FRMD4A: variants seen among roughly 807,000 people sequenced by gnomAD.
FRMD4A encodes the protein FERM domain-containing protein 4A.
FRMD4A carries 29 observed loss-of-function variants against 129.1 expected under a neutral mutation model. That is an observed-to-expected ratio of 0.22 (90% confidence interval 0.17 to 0.31). FRMD4A has a LOEUF of 0.31. FRMD4A is among the 10% of genes least tolerant of loss of function. The probability of loss-of-function intolerance (pLI) is 1.00; values close to 1 mark genes in which losing one functional copy is unlikely to be tolerated. For missense variants in FRMD4A, 1,272 were observed against 1,375.8 expected (o/e 0.92, Z 1.19); for synonymous variants, 634 against 571.6 (o/e 1.11, Z -1.56).
At chr10:14,312,878 T>C (rs7913013) in intron 2 of FRMD4A, among the ~76,000 whole-genome samples, 77,251 of 151,590 alleles carry the variant, frequency 0.51, 19,787 homozygotes, top group Non-Finnish European at 0.56. Flanking sequence ...AAAAAGAAAA[T>C]AAATAAAAAA....
chr10:13,818,598 C>T (rs12245077), intron 3 of FRMD4A, among the ~76,000 whole-genome samples: 2,974 of 152,312 alleles, frequency 0.02, 79 homozygotes, highest in African/African-American at 0.065. Context: ...TCTCTTGAAT[C>T]TAGTCAGTTA....
chr10:13,728,313 G>A (rs1036342480), intron 12 of FRMD4A, among the ~76,000 whole-genome samples: 1 of 152,108 alleles, frequency 6.6e-6, no homozygotes, highest in African/African-American at 2.4e-5. Context: ...ACTGGGAGAA[G>A]AGAAACCGGC....
At chr10:14,060,232 T>C (rs190407820) in intron 2 of FRMD4A, among the ~76,000 whole-genome samples, 1 of 152,302 alleles carries the variant, frequency 6.6e-6, no homozygotes, top group Admixed American at 6.5e-5. Context: ...AGGATAAAGA[T>C]AGAAATTCAC....
chr10:13,797,346 C>A (rs1056978699), intron 4 of FRMD4A, among the ~76,000 whole-genome samples: 1 of 152,206 alleles, frequency 6.6e-6, no homozygotes, highest in East Asian at 1.9e-4. Context: ...AAACGTTAAA[C>A]TTACCGCCAG....
At chr10:13,924,364 TCTC>T (rs2131266688) in intron 2 of FRMD4A, among the ~76,000 whole-genome samples, 1 of 151,480 alleles carries the variant, frequency 6.6e-6, no homozygotes, top group South Asian at 2.1e-4. Flanking sequence ...TATTTGGAAA[TCTC>T]CTTTCTACCC....
chr10:13,890,180 T>A (rs1418698896), intron 2 of FRMD4A, among the ~76,000 whole-genome samples: 1 of 152,218 alleles, frequency 6.6e-6, no homozygotes, highest in Admixed American at 6.5e-5. Context: ...CAAACATAAA[T>A]GGGGCTTAAT....
At chr10:14,239,544 T>TG (rs1843958935) in intron 2 of FRMD4A, among the ~76,000 whole-genome samples, 1 of 152,158 alleles carries the variant, frequency 6.6e-6, no homozygotes, top group African/African-American at 2.4e-5. Flanking sequence ...GGAGACTAGG[T>TG]TGAACCCGGG....
chr10:14,279,182 A>ATTTTTTTTTTTTTTTTTTTTTTTTTTT (rs1223887250), intron 2 of FRMD4A, among the ~76,000 whole-genome samples: 1 of 99,632 alleles, frequency 1.0e-5, no homozygotes, highest in African/African-American at 4.1e-5. Context: ...AGGAAGCGGG[A>ATTTTTTTTTTTTTTTTTTTTTTTTTTT]TTTTTTTTTT....
chr10:14,071,154 C>T (rs968819334), intron 2 of FRMD4A, among the ~76,000 whole-genome samples: 1 of 152,224 alleles, frequency 6.6e-6, no homozygotes, highest in African/African-American at 2.4e-5. Flanking sequence ...CTGTTCCATG[C>T]ATGAAGACTT....
In FRMD4A at chr10:14,124,398, G is replaced by A. The variant is rs184210855; in HGVS notation, c.45+205660C>T. Among the ~76,000 whole-genome samples the A allele has an allele frequency of 2.7e-3, 414 of 152,254 alleles. 2 individuals carry two copies. The highest frequency in any genetic ancestry group is 7.7e-3 in the African/African-American group (321 of 41,544). ...AAGCTCAGACGAATTTAAGTGGGCC[G>A]GACACGGTGCCTCATGCCTGTAATC... On this transcript the variant is annotated intron_variant, in intron 2 of 24. Transcript: ENST00000357447.
At chr10:13,971,879 C>A in intron 2 of FRMD4A, 7 of 1,288,382 alleles carry the variant, frequency 5.4e-6, no homozygotes, top group Non-Finnish European at 7.1e-6. Flanking sequence ...ACACAAAGTG[C>A]CAATGTCAGT....
At chr10:13,784,069 T>C (rs2092797889) in intron 5 of FRMD4A, among the ~76,000 whole-genome samples, 6 of 152,162 alleles carry the variant, frequency 3.9e-5, no homozygotes, top group Admixed American at 3.3e-4. Context: ...TCTGAGCAGG[T>C]GTAGCAACCC....
At chr10:14,206,808 T>TCAAAAAAAAAA (rs1554784567) in intron 2 of FRMD4A, among the ~76,000 whole-genome samples, 1 of 1,156 alleles carries the variant, frequency 8.7e-4, no homozygotes, top group Non-Finnish European at 2.3e-3. Context: ...AGACGCTATC[T>TCAAAAAAAAAA]CAAAAAAAAA....
chr10:13,971,102 A>G (rs2131382831), intron 2 of FRMD4A, among the ~76,000 whole-genome samples: 1 of 152,276 alleles, frequency 6.6e-6, no homozygotes, highest in Middle Eastern at 3.4e-3. Flanking sequence ...ACTCACACAC[A>G]CACACGTGCA....
intron 4 of FRMD4A, among the ~76,000 whole-genome samples, chr10:13,803,691 T>C (rs1393799296): frequency 6.6e-6 from 1 of 152,160 alleles, no homozygotes; most frequent in Non-Finnish European, 1.5e-5. Flanking sequence ...CACTTCCTAA[T>C]CTACAAACAC....
At chr10:13,920,889 A>G (rs529950468) in intron 2 of FRMD4A, among the ~76,000 whole-genome samples, 9 of 152,242 alleles carry the variant, frequency 5.9e-5, no homozygotes, top group African/African-American at 2.2e-4. Context: ...GTAGGGTGGT[A>G]ACTAACACTG....
chr10:13,905,946 T>G (rs1022138734), intron 2 of FRMD4A, among the ~76,000 whole-genome samples: 7 of 152,184 alleles, frequency 4.6e-5, no homozygotes, highest in Non-Finnish European at 1.5e-5. Flanking sequence ...AAAATCATGT[T>G]CAGCCACAGA....
At chr10:13,800,049 G>A (rs1564824158) in intron 4 of FRMD4A, among the ~76,000 whole-genome samples, 1 of 152,022 alleles carries the variant, frequency 6.6e-6, no homozygotes, top group Non-Finnish European at 1.5e-5. Flanking sequence ...AGGCGTGGTG[G>A]CACATGCCTG....
intron 3 of FRMD4A, among the ~76,000 whole-genome samples, chr10:13,826,825 T>C (rs2093708104): frequency 6.6e-6 from 1 of 152,182 alleles, no homozygotes; most frequent in Non-Finnish European, 1.5e-5. Context: ...AAAATATTTA[T>C]TCCTAAACAG....
Sources: allele counts gnomAD v4.1 joint callset (sites outside exome capture counted in the v4.1 genomes callset), GRCh38; gene constraint gnomAD v4.1.1; transcripts MANE v1.5; gene names NCBI Gene and HGNC (gene_info 2026-07-23, HGNC 2026-07-21).